The following YWHAE variants were observed in gnomAD, a reference collection of about 807,000 sequenced individuals.
YWHAE encodes the protein tyrosine 3-monooxygenase/tryptophan 5-monooxygenase activation protein epsilon.
YWHAE carries 4 observed loss-of-function variants against 30.1 expected under a neutral mutation model. The observed-to-expected ratio is 0.13, with a 90% CI of 0.07 to 0.30. The LOEUF is 0.30. Among genes scored for constraint, YWHAE ranks in the 10% least tolerant of loss-of-function variants. YWHAE has a pLI of 1.00. For synonymous variants in YWHAE, 118 were observed against 111.8 expected (o/e 1.06, Z -0.35); for missense variants, 121 against 315.9 (o/e 0.38, Z 4.68).
At chr17:1,352,726 C>T (rs753570300) in intron 5 of YWHAE, among the ~76,000 whole-genome samples, 18 of 152,128 alleles carry the variant, frequency 1.2e-4, no homozygotes, top group Non-Finnish European at 2.5e-4. Context: ...GGGGTTTCCC[C>T]GTGTTAGCCA....
intron 1 of YWHAE, among the ~76,000 whole-genome samples, chr17:1,388,904 A>C (rs1238875948): frequency 6.6e-6 from 1 of 152,206 alleles, no homozygotes; most frequent in Non-Finnish European, 1.5e-5. Context: ...CCTATCATAA[A>C]TCTTAACTAT....
chr17:1,399,963 G>T, intron 1 of YWHAE, 84 bp downstream of exon 1: 1 of 1,547,388 alleles, frequency 6.5e-7, no homozygotes, highest in Non-Finnish European at 8.9e-7. Context: ...AGACGATGCC[G>T]CCATTTTGTC....
At chr17:1,357,797 G>C (rs2072779466) in intron 4 of YWHAE, among the ~76,000 whole-genome samples, 1 of 151,564 alleles carries the variant, frequency 6.6e-6, no homozygotes, top group African/African-American at 2.4e-5. Flanking sequence ...TATGGTGGCG[G>C]GCGTCTGTAA....
intron 1 of YWHAE, among the ~76,000 whole-genome samples, chr17:1,373,597 G>A (rs1273587113): frequency 6.6e-6 from 1 of 152,142 alleles, no homozygotes; most frequent in South Asian, 2.1e-4. Context: ...GAACCCGGGA[G>A]GCGGAGCTTG....
At chr17:1,359,812 TTGTGTGTGTGTGTGTGTGTG>T (rs59650315) in intron 4 of YWHAE, among the ~76,000 whole-genome samples, 67 of 130,716 alleles carry the variant, frequency 5.1e-4, no homozygotes, top group Admixed American at 8.6e-4. Flanking sequence ...CACTAAATTG[TTGTGTGTGTGTGTGTGTGTG>T]TGTGTGTGTG....
intron 2 of YWHAE, among the ~76,000 whole-genome samples, chr17:1,364,346 CCTCCCGAGTAGCTGGGACCACAGG>C (rs1381310625): frequency 6.6e-6 from 1 of 151,998 alleles, no homozygotes; most frequent in Non-Finnish European, 1.5e-5. Flanking sequence ...CCTGCCTCAG[CCTCCCGAGTAGCTGGGACCACAGG>C]CTCCCGCCAC....
chr17:1,375,631 C>G (rs2073110659), intron 1 of YWHAE, among the ~76,000 whole-genome samples: 1 of 152,180 alleles, frequency 6.6e-6, no homozygotes, highest in African/African-American at 2.4e-5. Context: ...AATCGCCACT[C>G]TGAAAAACAT....
chr17:1,345,305 A>T lies in YWHAE; in HGVS notation c.*142T>A, dbSNP rs539907098. On this transcript the variant is annotated 3_prime_UTR_variant, in exon 6 of 6. Coordinates refer to ENST00000264335, the MANE Select transcript of YWHAE (RefSeq NM_006761.5). ...AAAACTGTTTAAAAAAAAAAAAAAA[A>T]AACCAACAGGGCAGGAACCTAAATT... is the stretch of plus-strand genomic sequence containing the variant. 2 of 802,070 alleles carry T rather than the reference A, an allele frequency of 2.5e-6. No individual in the cohort carries two copies. Among genetic ancestry groups the T allele is most frequent in the Middle Eastern group, 2.5e-4 (1 of 3,974 alleles). The allele number at this position is 802,070 out of a possible 1,614,324, so 49.7% of individuals were successfully genotyped here. A position where few individuals can be genotyped will look rare whatever the true frequency, so the allele number is the denominator to read the frequency against.
intron 5 of YWHAE, among the ~76,000 whole-genome samples, chr17:1,351,154 T>C (rs2072625112): frequency 6.6e-6 from 1 of 151,712 alleles, no homozygotes; most frequent in Non-Finnish European, 1.5e-5. Flanking sequence ...AGGTCAGGAG[T>C]TGGAGACCAG....
chr17:1,371,254 T>C (rs1019396509), intron 1 of YWHAE, among the ~76,000 whole-genome samples: 2 of 152,092 alleles, frequency 1.3e-5, no homozygotes, highest in Non-Finnish European at 2.9e-5. Context: ...AGCTAATTTT[T>C]ATTATTTTTT....
chr17:1,351,471 G>GTAGA (rs1371813473), intron 5 of YWHAE, among the ~76,000 whole-genome samples: 3 of 152,094 alleles, frequency 2.0e-5, no homozygotes, highest in South Asian at 2.1e-4. Flanking sequence ...CATGTCCCCA[G>GTAGA]AGGTGAGAGG....
chr17:1,391,507 T>A (rs1405059598), intron 1 of YWHAE, among the ~76,000 whole-genome samples: 2 of 152,206 alleles, frequency 1.3e-5, no homozygotes, highest in Non-Finnish European at 1.5e-5. Context: ...CTTTTCAAGA[T>A]ATACTCATGT....
At chr17:1,376,129 T>A (rs16945571) in intron 1 of YWHAE, among the ~76,000 whole-genome samples, 75,084 of 152,030 alleles carry the variant, frequency 0.49, 19,920 homozygotes, top group African/African-American at 0.68. Context: ...CTGACTTGAG[T>A]TGTGCTTTGA....
At chr17:1,371,651 C>T (rs919836671) in intron 1 of YWHAE, among the ~76,000 whole-genome samples, 1 of 152,146 alleles carries the variant, frequency 6.6e-6, no homozygotes, top group Non-Finnish European at 1.5e-5. Context: ...CTGCATCAGC[C>T]TGTCCTATGG....
chr17:1,382,036 A>G (rs951340254), intron 1 of YWHAE, among the ~76,000 whole-genome samples: 8 of 151,278 alleles, frequency 5.3e-5, no homozygotes, highest in African/African-American at 1.2e-4. Context: ...TACTTGCGGC[A>G]TAAGTAGTAG....
intron 1 of YWHAE, chr17:1,369,627 C>T (rs934268113): frequency 6.6e-6 from 1 of 152,100 alleles, no homozygotes; most frequent in Non-Finnish European, 1.5e-5. Flanking sequence ...CCCATGTACC[C>T]GAACCCCAGC....
At chr17:1,368,785 A>T (rs1212130950) in intron 1 of YWHAE, among the ~76,000 whole-genome samples, 2 of 152,206 alleles carry the variant, frequency 1.3e-5, no homozygotes, top group African/African-American at 4.8e-5. Context: ...TAAGCCTGTA[A>T]TTAAACTTTC....
chr17:1,391,990 G>C (rs2073395248), intron 1 of YWHAE, among the ~76,000 whole-genome samples: 1 of 152,056 alleles, frequency 6.6e-6, no homozygotes, highest in Admixed American at 6.6e-5. Context: ...GCCGAGGCAG[G>C]TGAATCTTGA....
intron 1 of YWHAE, among the ~76,000 whole-genome samples, chr17:1,395,446 T>C (rs952208226): frequency 1.3e-5 from 2 of 152,140 alleles, no homozygotes; most frequent in Admixed American, 6.5e-5. Context: ...GGAGAACCGC[T>C]TGAACCTGGG....
Sources: allele counts gnomAD v4.1 joint callset (sites outside exome capture counted in the v4.1 genomes callset), GRCh38; gene constraint gnomAD v4.1.1; transcripts MANE v1.5; gene names NCBI Gene and HGNC (gene_info 2026-07-23, HGNC 2026-07-21).